The following VDAC1 variants were observed in gnomAD, a reference collection of about 807,000 sequenced individuals.
VDAC1 encodes the protein non-selective voltage-gated ion channel VDAC1.
Under a neutral mutation model 34.7 loss-of-function variants are expected in VDAC1, and 10 were observed. The observed-to-expected ratio is 0.29, with a 90% CI of 0.18 to 0.49. The LOEUF (loss-of-function observed/expected upper bound fraction) is 0.49, where lower values mean the gene tolerates loss of function less well. Ranked by LOEUF, VDAC1 falls within the 20% of genes least tolerant of loss-of-function variation. The pLI, the probability that VDAC1 is intolerant of heterozygous loss-of-function variation, is 0.99. For synonymous variants in VDAC1, 130 were observed against 136.0 expected, an observed-to-expected ratio of 0.96 and a Z score of 0.30; for missense variants, 230 against 347.9, an observed-to-expected ratio of 0.66 and a Z score of 2.69.
chr5:134,064,901 G>A, the VDAC1 span, among the ~76,000 whole-genome samples: 1 of 151,768 alleles, frequency 6.6e-6, no homozygotes, highest in Non-Finnish European at 1.5e-5. Context: ...TGTATTTTTA[G>A]TAGAGATGGG....
chr5:134,041,934 C>T, the VDAC1 span, among the ~76,000 whole-genome samples: 1 of 152,238 alleles, frequency 6.6e-6, no homozygotes, highest in Non-Finnish European at 1.5e-5. Context: ...TCACTCTCCT[C>T]TGCAGCTTCA....
intron 5 of VDAC1, among the ~76,000 whole-genome samples, chr5:133,983,558 AT>A (rs1335469389): frequency 6.6e-6 from 1 of 152,162 alleles, no homozygotes; most frequent in African/African-American, 2.4e-5. Flanking sequence ...TTAAAAAAAA[AT>A]AAAGGTTAAA....
At chr5:133,986,934 T>C (rs953714333) in intron 5 of VDAC1, among the ~76,000 whole-genome samples, 4 of 152,152 alleles carry the variant, frequency 2.6e-5, no homozygotes, top group African/African-American at 7.2e-5. Flanking sequence ...TTATAGCCCA[T>C]AGAGTAAATG....
the VDAC1 span, among the ~76,000 whole-genome samples, chr5:134,024,027 C>T: frequency 6.6e-6 from 1 of 151,734 alleles, no homozygotes; most frequent in African/African-American, 2.4e-5. Context: ...ACCTGTAATC[C>T]CAGCTACTCA....
intron 3 of VDAC1, among the ~76,000 whole-genome samples, chr5:133,991,919 A>T (rs747720988): frequency 8.5e-5 from 13 of 152,112 alleles, no homozygotes; most frequent in Non-Finnish European, 1.6e-4. Flanking sequence ...GCACATGTAC[A>T]CCCTGAATCT....
At chr5:134,107,148 C>A in the VDAC1 span, among the ~76,000 whole-genome samples, 2 of 152,272 alleles carry the variant, frequency 1.3e-5, no homozygotes, top group Non-Finnish European at 2.9e-5. Flanking sequence ...TCAGAGCCTG[C>A]AGCTGGTCAG....
At chr5:134,110,385 T>C in the VDAC1 span, among the ~76,000 whole-genome samples, 195 of 152,314 alleles carry the variant, frequency 1.3e-3, 1 homozygote, top group Admixed American at 2.7e-3. Context: ...TGCTTCATTT[T>C]AAGGGCAGCT....
At chr5:134,003,065 A>G (rs561830588) in intron 1 of VDAC1, among the ~76,000 whole-genome samples, 3 of 151,226 alleles carry the variant, frequency 2.0e-5, no homozygotes, top group Middle Eastern at 3.4e-3. Context: ...AGCACCTACT[A>G]TGGGCCATGT....
the VDAC1 span, among the ~76,000 whole-genome samples, chr5:134,012,757 TAAAC>T: frequency 6.6e-6 from 1 of 151,822 alleles, no homozygotes; most frequent in Non-Finnish European, 1.5e-5. Flanking sequence ...AAATTTATAT[TAAAC>T]AAAAAAAAGA....
At chr5:134,079,286 G>C in the VDAC1 span, among the ~76,000 whole-genome samples, 1 of 152,192 alleles carries the variant, frequency 6.6e-6, no homozygotes, top group African/African-American at 2.4e-5. Flanking sequence ...GCCCCCTCAA[G>C]CATCTAGGAC....
At position 133,975,875 on chromosome 5, in the gene VDAC1, A is replaced by C. The variant is rs1321098750; in HGVS notation, c.698T>G (p.Phe233Cys). 3.1e-6 allele frequency: 5 copies of C among 1,611,666 alleles called. No homozygotes were observed. Among genetic ancestry groups the C allele is most frequent in the Non-Finnish European group, 4.2e-6 (5 of 1,179,776 alleles). ...CGTGATTCCACAGATACCCACCGAG[A>C]AGCAGGCGTCAGGGTCAATCTGATA... ...AKYQIDPDAC[F>C]SAKVNNSSLI... The change falls in exon 7 of 9, where the codon TTC (phenylalanine) becomes TGC (cysteine). Residue 233 changes from phenylalanine (F) to cysteine (C), a missense_variant. Physicochemically the swap from Phe to Cys is radical, Grantham distance 205. Coordinates refer to ENST00000265333, the MANE Select transcript of VDAC1 (RefSeq NM_003374.3).
At chr5:134,056,969 G>A in the VDAC1 span, among the ~76,000 whole-genome samples, 5 of 151,742 alleles carry the variant, frequency 3.3e-5, no homozygotes, top group African/African-American at 4.8e-5. Context: ...GATTACAGGC[G>A]TGAGCCACCA....
the VDAC1 span, among the ~76,000 whole-genome samples, chr5:134,017,468 T>C: frequency 8.0e-3 from 1,213 of 151,676 alleles, 11 homozygotes; most frequent in African/African-American, 0.027. Flanking sequence ...AAAAAAAGCA[T>C]TTCATCATTG....
intron 6 of VDAC1, chr5:133,976,224 A>C (rs1420452872): frequency 1.7e-6 from 1 of 573,782 alleles, no homozygotes; most frequent in African/African-American, 1.9e-5. Context: ...ACAGGCACCT[A>C]GCCAGGCACA....
the VDAC1 span, among the ~76,000 whole-genome samples, chr5:134,103,375 G>A: frequency 6.6e-6 from 1 of 152,072 alleles, no homozygotes; most frequent in African/African-American, 2.4e-5. Flanking sequence ...CGGCCACCTC[G>A]GCCTCCCAAA....
At chr5:133,992,831 C>G in intron 2 of VDAC1, 115 bp downstream of exon 2, 1 of 991,124 alleles carries the variant, frequency 1.0e-6, no homozygotes, top group Non-Finnish European at 1.5e-6. Flanking sequence ...TTTTCCCTCA[C>G]GTGAAAGTTC....
chr5:134,047,765 C>T, the VDAC1 span, among the ~76,000 whole-genome samples: 5 of 152,168 alleles, frequency 3.3e-5, no homozygotes, highest in Non-Finnish European at 7.3e-5. Flanking sequence ...GCACATGGCC[C>T]AGTGCTGTCA....
chr5:133,981,689 C>G (rs1752706686), intron 5 of VDAC1, among the ~76,000 whole-genome samples: 2 of 152,190 alleles, frequency 1.3e-5, no homozygotes, highest in South Asian at 2.1e-4. Flanking sequence ...TTAGGAAGAG[C>G]AGGTGAATAG....
the VDAC1 span, among the ~76,000 whole-genome samples, chr5:134,093,000 T>A: frequency 2.0e-5 from 3 of 152,346 alleles, no homozygotes; most frequent in South Asian, 4.1e-4. Flanking sequence ...TTCAAGCTAA[T>A]GCACAATCAT....
Sources: allele counts gnomAD v4.1 joint callset (sites outside exome capture counted in the v4.1 genomes callset), GRCh38; gene constraint gnomAD v4.1.1; transcripts MANE v1.5; gene names NCBI Gene and HGNC (gene_info 2026-07-23, HGNC 2026-07-21).